Variants in TIAM1 observed in about 807,000 individuals in gnomAD.
TIAM1 encodes rho guanine nucleotide exchange factor TIAM1.
A neutral mutation model predicts 163.5 loss-of-function variants in TIAM1; 65 were observed. That is an observed-to-expected ratio of 0.40 (90% CI 0.33 to 0.49). The LOEUF is 0.49. Among genes scored for constraint, TIAM1 ranks in the 20% least tolerant of loss-of-function variants. The probability of loss-of-function intolerance (pLI) is 0.77; values close to 1 mark genes in which losing one functional copy is unlikely to be tolerated. For missense variants in TIAM1, 1,789 were observed against 2,044.7 expected (o/e 0.87, Z 2.41); for synonymous variants, 833 against 810.1 (o/e 1.03, Z -0.48).
intron 2 of TIAM1, among the ~76,000 whole-genome samples, chr21:31,421,544 T>C (rs1360487786): frequency 6.6e-6 from 1 of 152,126 alleles, no homozygotes; most frequent in Non-Finnish European, 1.5e-5. Flanking sequence ...ACGCGAGGGA[T>C]CTAGGTTGCG....
At chr21:31,252,296 G>A in intron 4 of TIAM1, 107 bp from the exon 5 acceptor site, 1 of 1,253,036 alleles carries the variant, frequency 8.0e-7, no homozygotes, top group South Asian at 1.4e-5. Flanking sequence ...GTAGCAGCGG[G>A]ATACGCATAA....
Position 31,245,546 on chromosome 21 carries a change from G to A in TIAM1, c.1526C>T (p.Pro509Leu), listed in dbSNP as rs770337579. Reference sequence around the variant, plus strand: ...GAGGCAGAAGACAAAGTCCTTCTTGGGGTGCTCAGGCACCGCCTGCACAAT... The same window carrying A: ...GAGGCAGAAGACAAAGTCCTTCTTGAGGTGCTCAGGCACCGCCTGCACAAT... ...NSIVQAVPEH[P>L]KKDFVFCLSN... The change falls in exon 6 of 28, where the codon CCC becomes CTC. Residue 509 changes from proline (P) to leucine (L), a missense_variant. Transcript: ENST00000541036. 9.4e-6 allele frequency: 15 copies of A among 1,594,806 alleles called. No individual in the cohort carries two copies. The highest frequency in any genetic ancestry group is 6.8e-6 in the Non-Finnish European group (8 of 1,170,552).
At chr21:31,458,924 C>T (rs561719024) in intron 2 of TIAM1, among the ~76,000 whole-genome samples, 26 of 152,148 alleles carry the variant, frequency 1.7e-4, no homozygotes, top group Non-Finnish European at 7.3e-5. Flanking sequence ...GTAGCAGGGG[C>T]ACGCTGCGTG....
At chr21:31,363,363 T>C (rs2076439375) in intron 2 of TIAM1, among the ~76,000 whole-genome samples, 1 of 152,094 alleles carries the variant, frequency 6.6e-6, no homozygotes, top group African/African-American at 2.4e-5. Context: ...CTAAATCAAC[T>C]TAGGTTTCTG....
At chr21:31,512,925 C>T (rs552366498) in intron 1 of TIAM1, among the ~76,000 whole-genome samples, 13 of 151,954 alleles carry the variant, frequency 8.6e-5, no homozygotes, top group African/African-American at 3.1e-4. Context: ...ATTACAGGCA[C>T]GACACACGGC....
intron 2 of TIAM1, among the ~76,000 whole-genome samples, chr21:31,405,318 G>A (rs1417581831): frequency 6.6e-6 from 1 of 152,044 alleles, no homozygotes; most frequent in Non-Finnish European, 1.5e-5. Flanking sequence ...ACATGACCCT[G>A]CTCCTGGGAG....
At chr21:31,318,123 G>A (rs916417336) in intron 2 of TIAM1, among the ~76,000 whole-genome samples, 2 of 152,048 alleles carry the variant, frequency 1.3e-5, no homozygotes, top group Non-Finnish European at 2.9e-5. Flanking sequence ...TTTTTGAGAC[G>A]GTCTCAGTCT....
intron 2 of TIAM1, among the ~76,000 whole-genome samples, chr21:31,279,349 C>T (rs983628219): frequency 6.6e-6 from 1 of 152,164 alleles, no homozygotes; most frequent in Non-Finnish European, 1.5e-5. Flanking sequence ...CCAACAAGTA[C>T]GTATCCATTT....
intron 2 of TIAM1, among the ~76,000 whole-genome samples, chr21:31,309,598 C>T (rs1342864561): frequency 2.0e-5 from 3 of 152,072 alleles, no homozygotes; most frequent in South Asian, 2.1e-4. Flanking sequence ...AGTCCTAGAC[C>T]GGAGAGTCTG....
intron 15 of TIAM1, among the ~76,000 whole-genome samples, chr21:31,176,296 T>C (rs1235010914): frequency 6.6e-6 from 1 of 152,182 alleles, no homozygotes; most frequent in Admixed American, 6.5e-5. Context: ...GTTCTGCAAC[T>C]TCCTATTCTA....
Position 31,522,029 on chromosome 21 carries a change from G to A in TIAM1, c.-422+36898C>T, listed in dbSNP as rs562836123. 4.3e-3 allele frequency among the ~76,000 whole-genome samples: 649 copies of A among 151,800 alleles called. 4 individuals carry two copies. Among genetic ancestry groups the A allele is most frequent in the African/African-American group, 0.015 (614 of 41,446 alleles). ...TGGGACTAGAGGCGCCTGCAACCAC[G>A]CCCGGATAATTTTTTGTATTTTTAG... On this transcript the variant is annotated intron_variant, in intron 1 of 28. Transcript: ENST00000286827.
At chr21:31,551,018 C>T (rs1234876906) in intron 1 of TIAM1, among the ~76,000 whole-genome samples, 1 of 152,006 alleles carries the variant, frequency 6.6e-6, no homozygotes, top group East Asian at 1.9e-4. Context: ...CAAGACCAGC[C>T]TGGCCAAGAT....
intron 16 of TIAM1, among the ~76,000 whole-genome samples, chr21:31,156,177 A>G (rs2083614874): frequency 6.6e-6 from 1 of 152,248 alleles, no homozygotes; most frequent in African/African-American, 2.4e-5. Context: ...GAACCTAAGA[A>G]GGATGCATTA....
intron 1 of TIAM1, among the ~76,000 whole-genome samples, chr21:31,496,459 CAAAAAA>C (rs58140674): frequency 3.4e-5 from 3 of 87,890 alleles, no homozygotes; most frequent in Non-Finnish European, 6.5e-5. Context: ...AACTCTGTCT[CAAAAAA>C]AAAAAAAAAA....
In TIAM1 at chr21:31,502,670, T is replaced by C. The variant is rs566939813; in HGVS notation, c.-421-38635A>G. On this transcript the variant is annotated intron_variant, in intron 1 of 28. Coordinates refer to the TIAM1 transcript ENST00000286827. ...CAGGACGCTGCCTTAAGATGTATTA[T>C]GCCTAGATCATCCGTCTTGAGTTTC... 8.5e-5 allele frequency among the ~76,000 whole-genome samples: 13 copies of C among 152,352 alleles called. No individual in the cohort carries two copies. The South Asian group carries it at 2.1e-3, about 24-fold the overall frequency.
chr21:31,491,811 T>G (rs2046477514), intron 1 of TIAM1, among the ~76,000 whole-genome samples: 1 of 152,208 alleles, frequency 6.6e-6, no homozygotes, highest in South Asian at 2.1e-4. Flanking sequence ...CCAAAGCAAT[T>G]TTTTCAAGGA....
At chr21:31,345,024 A>G (rs1179489618), upstream of TIAM1, among the ~76,000 whole-genome samples, 1 of 152,176 alleles carries the variant, frequency 6.6e-6, no homozygotes, top group African/African-American at 2.4e-5. Context: ...GCTGTGCTTG[A>G]CCTTGGTTTC....
intron 10 of TIAM1, chr21:31,212,979 C>G (rs2086967521): frequency 1.3e-5 from 2 of 157,090 alleles, no homozygotes; most frequent in African/African-American, 2.4e-5. Flanking sequence ...AAAGAACACG[C>G]TATCAGAACA....
intron 2 of TIAM1, among the ~76,000 whole-genome samples, chr21:31,282,277 T>A (rs1289941730): frequency 2.0e-5 from 3 of 152,208 alleles, no homozygotes; most frequent in East Asian, 1.9e-4. Flanking sequence ...CTAGACCTCA[T>A]CCTTCCACGG....
Sources: allele counts gnomAD v4.1 joint callset (sites outside exome capture counted in the v4.1 genomes callset), GRCh38; gene constraint gnomAD v4.1.1; transcripts MANE v1.5; gene names NCBI Gene and HGNC (gene_info 2026-07-23, HGNC 2026-07-21).